The following TMEM94 variants were observed in gnomAD, a reference collection of about 807,000 sequenced individuals.
TMEM94 encodes transmembrane protein 94.
TMEM94 carries 81 observed loss-of-function variants against 158.6 expected under a neutral mutation model. The ratio of observed to expected loss-of-function variants is 0.51; its 90% CI spans 0.43 to 0.61. The LOEUF is 0.61. Among genes scored for constraint, TMEM94 ranks in the 20% least tolerant of loss-of-function variants. The pLI is 0.00. For synonymous variants in TMEM94, 751 were observed against 730.7 expected (o/e 1.03, Z -0.45); for missense variants, 1,435 against 1,762.0 (o/e 0.81, Z 3.32).
intron 2 of TMEM94, among the ~76,000 whole-genome samples, chr17:75,481,786 A>G (rs1468603885): frequency 2.0e-5 from 3 of 152,116 alleles, no homozygotes; most frequent in Non-Finnish European, 2.9e-5. Flanking sequence ...CTGGTGCCTG[A>G]GGTCTAGGGA....
intron 2 of TMEM94, among the ~76,000 whole-genome samples, chr17:75,477,964 C>T (rs1034215506): frequency 2.7e-5 from 4 of 148,088 alleles, no homozygotes; most frequent in Middle Eastern, 3.3e-3. Flanking sequence ...AGCCATAGCA[C>T]CACTGCACTC....
At chr17:75,483,159 GTGTCA>G (rs977984536) in intron 2 of TMEM94, among the ~76,000 whole-genome samples, 5 of 152,176 alleles carry the variant, frequency 3.3e-5, no homozygotes, top group Non-Finnish European at 7.3e-5. Context: ...GGCTCGGCTC[GTGTCA>G]GGAGGAGCAG....
chr17:75,495,139 T>C lies in TMEM94; in HGVS notation c.2728+105T>C. The C allele has an allele frequency of 6.7e-7, 1 of 1,483,130 alleles. No individual in the cohort carries two copies. Among genetic ancestry groups the C allele is most frequent in the Non-Finnish European group, 9.1e-7 (1 of 1,093,730 alleles). The allele number at this position is 1,483,130 out of a possible 1,614,324, so 91.9% of individuals were successfully genotyped here. ...CCGGAGAGCCCTCCAGTTAAGTACA[T>C]TCCCTTGGGAAATGGCTCTGATGTC... On this transcript the variant is annotated intron_variant, in intron 20 of 31. Transcript: ENST00000314256. This position sits in a 1 kb window ranked among gnomAD's most constrained non-coding sequence, Gnocchi z 5.6.
intron 1 of TMEM94, among the ~76,000 whole-genome samples, chr17:75,461,991 TTTTTGTTTTG>T (rs1187011890): frequency 9.5e-5 from 10 of 105,410 alleles, no homozygotes; most frequent in Admixed American, 4.8e-4. Context: ...TTTACAGTTT[TTTTTGTTTTG>T]TTTTGTTTTG....
In TMEM94 at chr17:75,494,876, T is replaced by C; in HGVS notation, c.2590-20T>C. The stretch of plus-strand genomic sequence containing the variant: ...ACGGGCTTTTGGGCCCGTATGTTCA[T>C]GGCCGTCTGCCTTTCACAGGTGTTT... On this transcript the variant is annotated intron_variant, in intron 19 of 31. Coordinates refer to ENST00000314256, the MANE Select transcript of TMEM94 (RefSeq NM_014738.6). 1 of 1,613,598 alleles carries C rather than the reference T, an allele frequency of 6.2e-7. No individual in the cohort carries two copies. The highest frequency in any genetic ancestry group is 8.5e-7 in the Non-Finnish European group (1 of 1,179,958).
Position 75,491,762 on chromosome 17 carries a change from T to A in TMEM94, c.1458T>A (p.Arg486=), listed in dbSNP as rs1295557284. 2 of 1,613,974 alleles carry A rather than the reference T, an allele frequency of 1.2e-6. No individual in the cohort carries two copies. Reference sequence around the variant, plus strand: ...TGCACCTTTCCAATGAGCAGGAGCGTGGCGACTGGCCTGGCGAGGCTCCCA... The same window carrying A: ...TGCACCTTTCCAATGAGCAGGAGCGAGGCGACTGGCCTGGCGAGGCTCCCA... ...NTLHLSNEQE[R]GDWPGEAPKP... Residue 486 remains arginine (R), a synonymous_variant, in exon 14 of 32, where the codon CGT becomes CGA. Coordinates refer to ENST00000314256, the MANE Select transcript of TMEM94 (RefSeq NM_014738.6). This position sits in a 1 kb window ranked among gnomAD's most constrained non-coding sequence, Gnocchi z 5.1.
rs2146740851 is a variant in TMEM94, at chr17:75,492,174, A to T, written c.1596+274A>T. Reference sequence around the variant, plus strand: ...CACAGCCCGGAGCTCCCTCTTAGAGATGTTCCCTGGCCACAGAAGATCCCT... The same window carrying T: ...CACAGCCCGGAGCTCCCTCTTAGAGTTGTTCCCTGGCCACAGAAGATCCCT... On this transcript the variant is annotated intron_variant, in intron 14 of 31. Transcript: ENST00000314256. This position sits in a 1 kb window ranked among gnomAD's most constrained non-coding sequence, Gnocchi z 4.4. 1 of 1,146,080 alleles carries T rather than the reference A, an allele frequency of 8.7e-7. No homozygotes were observed. Among genetic ancestry groups the T allele is most frequent in the Admixed American group, 2.9e-5 (1 of 33,954 alleles). The allele number at this position is 1,146,080 out of a possible 1,614,324, so 71.0% of individuals were successfully genotyped here.
At position 75,499,573 on chromosome 17, in the gene TMEM94, A is replaced by G. The variant is rs186576900; in HGVS notation, c.*239A>G. 334 of 569,856 alleles carry G rather than the reference A, an allele frequency of 5.9e-4. 2 individuals carry two copies. In the East Asian group the frequency reaches 9.7e-3, roughly 17 times the overall value. The allele number at this position is 569,856 out of a possible 1,614,324, so 35.3% of individuals were successfully genotyped here. On this transcript the variant is annotated 3_prime_UTR_variant, in exon 32 of 32. Coordinates refer to ENST00000314256, the MANE Select transcript of TMEM94 (RefSeq NM_014738.6). The stretch of plus-strand genomic sequence containing the variant: ...CTCTTCCCTGGGCCTCACCAGGGAC[A>G]CTCTTGAATGTATGGCCTCAGGCGC...
At chr17:75,496,194 T>C (rs767608808) in intron 23 of TMEM94, 88 bp from the exon 24 acceptor site, 1 of 1,577,306 alleles carries the variant, frequency 6.3e-7, no homozygotes, top group South Asian at 1.1e-5. Context: ...CTGGGACCAA[T>C]GCACCTGGGC....
intron 24 of TMEM94, 105 bp from the exon 25 acceptor site, chr17:75,496,625 G>A (rs550276728): frequency 1.5e-4 from 210 of 1,413,656 alleles, no homozygotes; most frequent in Middle Eastern, 9.0e-4. Context: ...TGCTCCCCTC[G>A]TAGAAGCATC....
rs775078680 is a variant in TMEM94, at chr17:75,499,013, G to A, written c.3929G>A (p.Trp1310Ter). 6.2e-7 allele frequency: 1 copy of A among 1,603,784 alleles called. No individual in the cohort carries two copies. Among genetic ancestry groups the A allele is most frequent in the East Asian group, 2.2e-5 (1 of 44,750 alleles). ...FGLEDVPLLT[W>*]LLGCLSLVLV... is the part of the protein sequence containing the mutation. ...CTGGAGGACGTGCCCCTGCTGACAT[G>A]GCTCCTGGGCTGCCTGTCCCTGGTC... Residue 1310 changes from tryptophan to a stop codon, truncating the protein, a stop_gained, in exon 31 of 32, where the codon TGG becomes TAG. Coordinates refer to ENST00000314256, the MANE Select transcript of TMEM94 (RefSeq NM_014738.6). LOFTEE classifies it high-confidence loss of function.
At chr17:75,473,169 T>A (rs1385824417) in intron 2 of TMEM94, among the ~76,000 whole-genome samples, 2 of 152,208 alleles carry the variant, frequency 1.3e-5, no homozygotes, top group African/African-American at 4.8e-5. Flanking sequence ...CCAGGCTGGC[T>A]GACTGCTTTC....
Position 75,489,402 on chromosome 17 carries a change from G to A in TMEM94, c.867+34G>A, listed in dbSNP as rs769039066. 2 of 1,600,666 alleles carry A rather than the reference G, an allele frequency of 1.2e-6. No homozygotes were observed. The highest frequency in any genetic ancestry group is 2.2e-5 in the South Asian group (2 of 90,838). ...GGCGGGGCTGTGCGGGGCTGCATGG[G>A]GCAGAGGAGAGGGCTGGACACGGGG... is the stretch of plus-strand genomic sequence containing the variant. On this transcript the variant is annotated intron_variant, in intron 8 of 31. Coordinates refer to ENST00000314256, the MANE Select transcript of TMEM94 (RefSeq NM_014738.6). This position sits in a 1 kb window ranked among gnomAD's most constrained non-coding sequence, Gnocchi z 5.0.
At chr17:75,463,174 G>GTATATATATATATA (rs1483017222) in intron 1 of TMEM94, among the ~76,000 whole-genome samples, 66 of 4,834 alleles carry the variant, frequency 0.014, 7 homozygotes, top group African/African-American at 0.053. Flanking sequence ...GTGTGTGTGT[G>GTATATATATATATA]TGTGTATATA....
rs2053147263 is a variant in TMEM94, at chr17:75,500,230, C to G, written c.*896C>G. Reference sequence around the variant, plus strand: ...GGCGAGACCCCTAGGGTCAGGGGTCCCCATGTCACAGAGGCAAACACACAG... The same window carrying G: ...GGCGAGACCCCTAGGGTCAGGGGTCGCCATGTCACAGAGGCAAACACACAG... On this transcript the variant is annotated 3_prime_UTR_variant, in exon 32 of 32. Transcript: ENST00000314256. 6.6e-6 allele frequency: 1 copy of G among 152,340 alleles called. No homozygotes were observed. Among genetic ancestry groups the G allele is most frequent in the East Asian group, 1.9e-4 (1 of 5,164 alleles). The allele number at this position is 152,340 out of a possible 1,614,324, so 9.4% of individuals were successfully genotyped here.
chr17:75,467,041 C>T (rs1390855667), intron 1 of TMEM94, among the ~76,000 whole-genome samples: 2 of 142,876 alleles, frequency 1.4e-5, no homozygotes, highest in African/African-American at 5.3e-5. Flanking sequence ...ATGATGTGAT[C>T]TCGGCTCACT....
chr17:75,492,117 A>G lies in TMEM94; in HGVS notation c.1596+217A>G. 1 of 785,994 alleles carries G rather than the reference A, an allele frequency of 1.3e-6. No homozygotes were observed. Among genetic ancestry groups the G allele is most frequent in the Non-Finnish European group, 2.0e-6 (1 of 505,994 alleles). 48.7% of individuals were successfully genotyped at this position (785,994 alleles called of 1,614,324 possible). A position where few individuals can be genotyped will look rare whatever the true frequency, so the allele number is the denominator to read the frequency against. On this transcript the variant is annotated intron_variant, in intron 14 of 31. Transcript: ENST00000314256. The surrounding 1 kb of genome is among the most constrained non-coding windows in gnomAD (Gnocchi z 4.4). ...CCCTTCCATTCTTGTAATCGCAATCACTGGTGTCCCTACTGGAACCTTCCA... is the reference window on the plus strand; with the variant it reads ...CCCTTCCATTCTTGTAATCGCAATCGCTGGTGTCCCTACTGGAACCTTCCA...
At position 75,490,706 on chromosome 17, in the gene TMEM94, C is replaced by T; in HGVS notation, c.1076C>T (p.Ala359Val). Residue 359 changes from alanine (A) to valine (V), a missense_variant, in exon 11 of 32, where the codon GCT becomes GTT. By Grantham distance (64) the Ala-to-Val change is moderately conservative. Transcript: ENST00000314256. ...CCTCACCCTCTCTCCGTGCAGCTGG[C>T]TAAGTTCTCAGAGGATACTCTCAGC... Reference protein sequence around the residue: ...MSKASPSSLLAKFSEDTLSSY... With the variant: ...MSKASPSSLLVKFSEDTLSSY... 2 of 1,614,114 alleles carry T rather than the reference C, an allele frequency of 1.2e-6. No homozygotes were observed. The highest frequency in any genetic ancestry group is 1.7e-6 in the Non-Finnish European group (2 of 1,179,952).
At chr17:75,463,059 T>TACACACACAC (rs2050147135) in intron 1 of TMEM94, among the ~76,000 whole-genome samples, 1 of 15,506 alleles carries the variant, frequency 6.4e-5, no homozygotes, top group African/African-American at 8.9e-4. Flanking sequence ...TATATATATA[T>TACACACACAC]ATATATATAT....
Sources: allele counts gnomAD v4.1 joint callset (sites outside exome capture counted in the v4.1 genomes callset), GRCh38; gene constraint gnomAD v4.1.1; non-coding constraint Gnocchi (gnomAD v3.1); transcripts MANE v1.5; gene names NCBI Gene and HGNC (gene_info 2026-07-23, HGNC 2026-07-21).